SCAI: variants seen among roughly 807,000 people sequenced by gnomAD.
SCAI encodes the protein protein SCAI.
Under a neutral mutation model 92.2 loss-of-function variants are expected in SCAI, and 24 were observed. The observed-to-expected ratio is 0.26, with a 90% CI of 0.19 to 0.37. The LOEUF (loss-of-function observed/expected upper bound fraction) is 0.37. Among genes scored for constraint, SCAI ranks in the 10% least tolerant of loss-of-function variants. The pLI is 1.00. For synonymous variants in SCAI, 261 were observed against 258.6 expected (o/e 1.01, Z -0.09); for missense variants, 450 against 736.2 (o/e 0.61, Z 4.50).
intron 2 of SCAI, 125 bp downstream of exon 2, chr9:125,142,508 T>C (rs1835690271): frequency 2.8e-6 from 2 of 709,410 alleles, no homozygotes; most frequent in Non-Finnish European, 4.8e-6. Flanking sequence ...CATGTGGTTA[T>C]ATTCTTTTAA....
intron 3 of SCAI, among the ~76,000 whole-genome samples, chr9:125,031,339 G>A (rs1022818468): frequency 1.3e-5 from 2 of 151,308 alleles, no homozygotes; most frequent in African/African-American, 4.9e-5. Context: ...TTGGCTCACT[G>A]CAAGCTCCTC....
At chr9:124,955,068 T>C (rs898868983) in intron 17 of SCAI, among the ~76,000 whole-genome samples, 4 of 149,676 alleles carry the variant, frequency 2.7e-5, no homozygotes, top group Non-Finnish European at 5.9e-5. Flanking sequence ...CTTGAGAGGG[T>C]GAGGCAGGAG....
chr9:125,084,543 C>G (rs976330848), intron 2 of SCAI, among the ~76,000 whole-genome samples: 2 of 152,104 alleles, frequency 1.3e-5, no homozygotes, highest in Non-Finnish European at 2.9e-5. Flanking sequence ...GCTCCAAGCT[C>G]ATCATCCTGC....
chr9:125,015,091 C>G, intron 9 of SCAI, among the ~76,000 whole-genome samples: 1 of 151,050 alleles, frequency 6.6e-6, no homozygotes, highest in South Asian at 2.1e-4. Flanking sequence ...AGAAGAAAAC[C>G]TAGGCATTAC....
At chr9:125,137,945 A>G (rs1835575118) in intron 2 of SCAI, among the ~76,000 whole-genome samples, 2 of 152,206 alleles carry the variant, frequency 1.3e-5, no homozygotes, top group South Asian at 2.1e-4. Context: ...TAGAGATACC[A>G]TGAATCTGAA....
chr9:124,963,154 G>A (rs749113770), intron 17 of SCAI, among the ~76,000 whole-genome samples: 20 of 145,424 alleles, frequency 1.4e-4, no homozygotes, highest in Non-Finnish European at 2.6e-4. Flanking sequence ...TTTCCCCCCC[G>A]AGACGGAGTT....
In SCAI at chr9:124,946,711, T is replaced by TTTC. The variant is rs1329466566; in HGVS notation, c.*6095_*6096insGAA. ...CAACCCTATCATCCTTGGGAGAGGTTTGAAGGCCCAGATTTTTATAGCACA... is the reference window on the plus strand; with the variant it reads ...CAACCCTATCATCCTTGGGAGAGGTTTTCTGAAGGCCCAGATTTTTATAGCACA... On this transcript the variant is annotated 3_prime_UTR_variant, in exon 18 of 18. Transcript: ENST00000336505. The surrounding 1 kb of genome is among the most constrained non-coding windows in gnomAD (Gnocchi z 4.0). 3 of 152,198 alleles carry TTTC rather than the reference T, an allele frequency of 2.0e-5. No individual in the cohort carries two copies. The highest frequency in any genetic ancestry group is 4.4e-5 in the Non-Finnish European group (3 of 68,038). 9.4% of individuals were successfully genotyped at this position (152,198 alleles called of 1,614,324 possible).
intron 2 of SCAI, among the ~76,000 whole-genome samples, chr9:125,094,398 C>G (rs1834503416): frequency 6.6e-6 from 1 of 152,232 alleles, no homozygotes; most frequent in African/African-American, 2.4e-5. Flanking sequence ...TTGGACCGCT[C>G]TTCCCAAAAT....
At chr9:125,034,564 A>T (rs1158570719) in intron 3 of SCAI, among the ~76,000 whole-genome samples, 4 of 152,044 alleles carry the variant, frequency 2.6e-5, no homozygotes, top group Non-Finnish European at 5.9e-5. Flanking sequence ...GGCAAAACAC[A>T]GTCTCTACAA....
chr9:124,944,720 A>T lies in SCAI; in HGVS notation c.*8087T>A, dbSNP rs1028429763. On this transcript the variant is annotated 3_prime_UTR_variant, in exon 18 of 18. Coordinates refer to ENST00000336505, the MANE Select transcript of SCAI (RefSeq NM_001144877.3). ...GGTTATCCCTCTATGGTTTGGAAGTATTTACTTTTGGGATTCTCATGTATG... is the reference window on the plus strand; with the variant it reads ...GGTTATCCCTCTATGGTTTGGAAGTTTTTACTTTTGGGATTCTCATGTATG... The T allele has an allele frequency of 1.3e-5, 2 of 151,966 alleles. No individual in the cohort carries two copies. The highest frequency in any genetic ancestry group is 2.9e-5 in the Non-Finnish European group (2 of 68,000). 9.4% of individuals were successfully genotyped at this position (151,966 alleles called of 1,614,324 possible).
rs899930737 is a variant in SCAI at position 125,075,970 on chromosome 9, T to C, written c.99-19963A>G. Reference sequence around the variant, plus strand: ...TCATCGGCCTCCCAAAGTGCTGGGATTGCAGGTGTGAGCTACCACACCCAG... The same window carrying C: ...TCATCGGCCTCCCAAAGTGCTGGGACTGCAGGTGTGAGCTACCACACCCAG... On this transcript the variant is annotated intron_variant, in intron 2 of 17. Transcript: ENST00000336505. Among the ~76,000 whole-genome samples, 5 of 152,158 alleles carry C rather than the reference T, an allele frequency of 3.3e-5. No individual in the cohort carries two copies. In the South Asian group the frequency reaches 6.2e-4, roughly 19 times the overall value.
chr9:125,138,413 G>A (rs967004502), intron 2 of SCAI, among the ~76,000 whole-genome samples: 3 of 151,190 alleles, frequency 2.0e-5, no homozygotes, highest in Non-Finnish European at 3.0e-5. Context: ...GCGCTACCAC[G>A]CCCAGCCAAT....
chr9:125,076,117 T>A (rs1243557307), intron 2 of SCAI, among the ~76,000 whole-genome samples: 1 of 152,176 alleles, frequency 6.6e-6, no homozygotes, highest in Admixed American at 6.5e-5. Flanking sequence ...TCGAGCAACA[T>A]CTCAGCATAC....
At position 124,980,758 on chromosome 9, in the gene SCAI, T is replaced by C. The variant is rs556855315; in HGVS notation, c.1327-4572A>G. Among the ~76,000 whole-genome samples the C allele has an allele frequency of 3.3e-5, 5 of 152,294 alleles. No homozygotes were observed. The East Asian group carries it at 5.8e-4, about 18-fold the overall frequency. ...TTCTCCAAACTCACCCCACTTATCTTTTTCTTTTGCTGGTTTTGCTCTGTA... is the reference window on the plus strand; with the variant it reads ...TTCTCCAAACTCACCCCACTTATCTCTTTCTTTTGCTGGTTTTGCTCTGTA... On this transcript the variant is annotated intron_variant, in intron 14 of 17. Coordinates refer to ENST00000336505, the MANE Select transcript of SCAI (RefSeq NM_001144877.3).
At chr9:125,104,031 C>T (rs1746622518) in intron 2 of SCAI, among the ~76,000 whole-genome samples, 1 of 152,162 alleles carries the variant, frequency 6.6e-6, no homozygotes. Flanking sequence ...TAATTTTATG[C>T]TCCATATAGC....
chr9:125,086,528 A>C (rs1285812036), intron 2 of SCAI, among the ~76,000 whole-genome samples: 5 of 152,228 alleles, frequency 3.3e-5, no homozygotes, highest in African/African-American at 7.2e-5. Context: ...AGAAGACTAT[A>C]ATCGGATTGG....
chr9:125,001,226 G>GC (rs1322094073), intron 12 of SCAI, among the ~76,000 whole-genome samples: 1 of 152,194 alleles, frequency 6.6e-6, no homozygotes, highest in African/African-American at 2.4e-5. Context: ...AAGGAAGATG[G>GC]CAAGGACATG....
intron 2 of SCAI, among the ~76,000 whole-genome samples, chr9:125,124,551 G>C (rs1157065011): frequency 6.6e-6 from 1 of 152,238 alleles, no homozygotes; most frequent in Non-Finnish European, 1.5e-5. Context: ...AGTCAGGCAG[G>C]AGAAGCTCCC....
At chr9:125,114,671 T>C (rs547725376) in intron 2 of SCAI, among the ~76,000 whole-genome samples, 2 of 151,888 alleles carry the variant, frequency 1.3e-5, no homozygotes, top group South Asian at 4.2e-4. Context: ...AGTGGCATGA[T>C]CACAGCTCAC....
Sources: gnomAD v4.1 joint callset for allele counts (sites outside exome capture counted in the v4.1 genomes callset) on GRCh38, gnomAD v4.1.1 for gene constraint, Gnocchi (gnomAD v3.1) non-coding constraint, MANE v1.5 for transcripts, NCBI Gene and HGNC (gene_info 2026-07-23, HGNC 2026-07-21) for gene names.